KIAA0825: variants seen among roughly 807,000 people sequenced by gnomAD.
KIAA0825 encodes uncharacterized protein KIAA0825.
In KIAA0825, 119 loss-of-function variants were observed where a neutral mutation model predicts 147.6. That is an observed-to-expected ratio of 0.81 (90% CI 0.69 to 0.94). The LOEUF is 0.94. KIAA0825 is among the 40% of genes least tolerant of loss of function. The pLI, the probability that KIAA0825 is intolerant of heterozygous loss-of-function variation, is 0.00. For missense variants in KIAA0825, 1,381 were observed against 1,472.7 expected (o/e 0.94, Z 1.02); for synonymous variants, 470 against 518.1 (o/e 0.91, Z 1.26).
At chr5:94,488,382 C>A (rs555774656) in intron 5 of KIAA0825, among the ~76,000 whole-genome samples, 2 of 152,098 alleles carry the variant, frequency 1.3e-5, no homozygotes, top group African/African-American at 4.8e-5. Context: ...GACATAATAA[C>A]TATTATTTGG....
intron 10 of KIAA0825, among the ~76,000 whole-genome samples, chr5:94,469,707 T>C (rs577123629): frequency 1.3e-5 from 2 of 152,326 alleles, no homozygotes; most frequent in Admixed American, 6.5e-5. Flanking sequence ...ATTCCAACTA[T>C]GCTGCACTAC....
At chr5:94,492,358 G>C (rs1458762897) in intron 5 of KIAA0825, among the ~76,000 whole-genome samples, 1 of 152,176 alleles carries the variant, frequency 6.6e-6, no homozygotes, top group African/African-American at 2.4e-5. Flanking sequence ...GGTAGTACTT[G>C]CTATACAAAT....
intron 5 of KIAA0825, among the ~76,000 whole-genome samples, chr5:94,495,873 A>G (rs551782335): frequency 3.9e-5 from 6 of 152,366 alleles, no homozygotes; most frequent in South Asian, 2.1e-4. Context: ...ATGTGAAAAT[A>G]AGCAACTTAG....
chr5:94,379,704 A>G (rs970310990), intron 20 of KIAA0825, among the ~76,000 whole-genome samples: 2 of 151,992 alleles, frequency 1.3e-5, no homozygotes, highest in Non-Finnish European at 2.9e-5. Flanking sequence ...TTTTAACAAT[A>G]TTGATTATTC....
chr5:94,363,519 T>G (rs1279877562), intron 20 of KIAA0825, among the ~76,000 whole-genome samples: 18 of 152,164 alleles, frequency 1.2e-4, no homozygotes, highest in Admixed American at 4.6e-4. Context: ...TTAGCAACTT[T>G]TACTTTATAC....
intron 5 of KIAA0825, among the ~76,000 whole-genome samples, chr5:94,506,246 T>C (rs1403197860): frequency 2.0e-5 from 3 of 152,218 alleles, no homozygotes; most frequent in Non-Finnish European, 4.4e-5. Context: ...TGTTAACCAC[T>C]ACAATTTTTC....
intron 20 of KIAA0825, among the ~76,000 whole-genome samples, chr5:94,325,848 T>A (rs1780632760): frequency 6.6e-6 from 1 of 152,050 alleles, no homozygotes; most frequent in African/African-American, 2.4e-5. Flanking sequence ...GCTGAAGATC[T>A]ACATGTGAAT....
rs1281551751 is a variant in KIAA0825, at chr5:94,177,590, G to A, written c.3711-23466C>T. 2.6e-5 allele frequency among the ~76,000 whole-genome samples: 4 copies of A among 152,224 alleles called. No individual in the cohort carries two copies. The East Asian group carries it at 7.7e-4, about 29-fold the overall frequency. ...AATGTATTAATATTGGAGTGGGAAA[G>A]TGAAGAAAAATCATAATGCAGGACT... On this transcript the variant is annotated intron_variant, in intron 20 of 20. Coordinates refer to ENST00000682413, the MANE Select transcript of KIAA0825 (RefSeq NM_001145678.3).
chr5:94,557,147 TC>T (rs1776683239), intron 2 of KIAA0825, among the ~76,000 whole-genome samples: 1 of 152,186 alleles, frequency 6.6e-6, no homozygotes, highest in South Asian at 2.1e-4. Flanking sequence ...AGGGTCTGGC[TC>T]TGTTGCCCAG....
At chr5:94,218,504 A>T (rs1269727433) in intron 20 of KIAA0825, among the ~76,000 whole-genome samples, 1 of 152,220 alleles carries the variant, frequency 6.6e-6, no homozygotes, top group African/African-American at 2.4e-5. Flanking sequence ...AAGAATGTGT[A>T]TACCTTTTTA....
At chr5:94,284,641 G>A (rs1164381302) in intron 20 of KIAA0825, among the ~76,000 whole-genome samples, 1 of 152,010 alleles carries the variant, frequency 6.6e-6, no homozygotes, top group Non-Finnish European at 1.5e-5. Flanking sequence ...CAAGTTTCAA[G>A]TACTACTATG....
intron 8 of KIAA0825, among the ~76,000 whole-genome samples, chr5:94,472,553 A>G (rs1298704615): frequency 9.2e-5 from 14 of 152,192 alleles, no homozygotes; most frequent in Admixed American, 7.2e-4. Context: ...GACCATCCTG[A>G]CTAACACGGT....
chr5:94,578,504 C>T (rs759459591), intron 2 of KIAA0825, among the ~76,000 whole-genome samples: 6 of 152,002 alleles, frequency 3.9e-5, no homozygotes, highest in Non-Finnish European at 8.8e-5. Context: ...TATATAAATG[C>T]TTTCTGTTTA....
chr5:94,573,356 C>T (rs1416798049), intron 2 of KIAA0825, among the ~76,000 whole-genome samples: 3 of 145,356 alleles, frequency 2.1e-5, no homozygotes, highest in African/African-American at 7.7e-5. Flanking sequence ...CTGCAACCTT[C>T]ACCTCCCAGG....
chr5:94,586,898 C>T (rs1188457347), intron 1 of KIAA0825, among the ~76,000 whole-genome samples: 1 of 152,160 alleles, frequency 6.6e-6, no homozygotes, highest in Non-Finnish European at 1.5e-5. Flanking sequence ...ATATGCAAAT[C>T]AATAAATGTA....
At chr5:94,423,475 A>G (rs1216749495) in intron 14 of KIAA0825, among the ~76,000 whole-genome samples, 1 of 152,194 alleles carries the variant, frequency 6.6e-6, no homozygotes, top group Non-Finnish European at 1.5e-5. Context: ...AAGAAACTCA[A>G]CCACCAACCC....
Position 94,403,745 on chromosome 5 carries a change from A to G in KIAA0825, c.2711T>C (p.Leu904Pro), listed in dbSNP as rs1358928934. 1 of 1,551,562 alleles carries G rather than the reference A, an allele frequency of 6.4e-7. No homozygotes were observed. Among genetic ancestry groups the G allele is most frequent in the South Asian group, 1.2e-5 (1 of 84,058 alleles). The change falls in exon 16 of 21, where the codon CTG becomes CCG. Residue 904 changes from leucine to proline, a missense_variant. Leu to Pro is a moderately conservative substitution (Grantham distance 98). Coordinates refer to ENST00000682413, the MANE Select transcript of KIAA0825 (RefSeq NM_001145678.3). ...YELEVIRCLR[L>P]ALTDAIKDTV... The stretch of plus-strand genomic sequence containing the variant: ...GTCCTTGATGGCATCGGTCAGTGCC[A>G]GTCTCAAGCATCGGATGACCTCTAG...
intron 20 of KIAA0825, among the ~76,000 whole-genome samples, chr5:94,377,606 A>G (rs1162351437): frequency 1.3e-5 from 2 of 152,188 alleles, no homozygotes; most frequent in Non-Finnish European, 1.5e-5. Context: ...TACCTTTATT[A>G]TTTCAAAAGA....
intron 2 of KIAA0825, among the ~76,000 whole-genome samples, chr5:94,577,170 A>G (rs574102384): frequency 6.6e-6 from 1 of 152,352 alleles, no homozygotes; most frequent in Admixed American, 6.5e-5. Context: ...TAGATTAAAA[A>G]GAGACATTTA....
Sources: gnomAD v4.1 joint callset for allele counts (sites outside exome capture counted in the v4.1 genomes callset) on GRCh38, gnomAD v4.1.1 for gene constraint, MANE v1.5 for transcripts, NCBI Gene and HGNC (gene_info 2026-07-23, HGNC 2026-07-21) for gene names.